LYN: variants seen among roughly 807,000 people sequenced by gnomAD.
LYN encodes the protein tyrosine-protein kinase Lyn.
A neutral mutation model predicts 65.0 loss-of-function variants in LYN; 12 were observed. The ratio of observed to expected loss-of-function variants is 0.18; its 90% CI spans 0.12 to 0.30. LYN has a LOEUF of 0.30. Among genes scored for constraint, LYN ranks in the 10% least tolerant of loss-of-function variants. The probability of loss-of-function intolerance (pLI) is 1.00; values close to 1 mark genes in which losing one functional copy is unlikely to be tolerated. For missense variants in LYN, 380 were observed against 623.2 expected, an observed-to-expected ratio of 0.61 and a Z score of 4.16; for synonymous variants, 222 against 221.2, an observed-to-expected ratio of 1.00 and a Z score of -0.03.
intron 10 of LYN, among the ~76,000 whole-genome samples, chr8:55,973,603 G>C (rs892380248): frequency 3.3e-5 from 5 of 152,230 alleles, no homozygotes; most frequent in Non-Finnish European, 7.3e-5. Context: ...TGGAATCATA[G>C]ACATGTCAAA....
chr8:55,968,689 C>A (rs1807527100), intron 9 of LYN, among the ~76,000 whole-genome samples: 1 of 152,192 alleles, frequency 6.6e-6, no homozygotes, highest in African/African-American at 2.4e-5. Context: ...GATGAGATAG[C>A]ATAACGTTTA....
chr8:55,910,862 G>A (rs1424883980), intron 1 of LYN, among the ~76,000 whole-genome samples: 1 of 147,416 alleles, frequency 6.8e-6, no homozygotes, highest in Non-Finnish European at 1.5e-5. Context: ...TGTAGTTTTC[G>A]TATCAACACC....
chr8:55,969,949 G>A (rs1807567188), intron 10 of LYN, among the ~76,000 whole-genome samples, 156 bp downstream of exon 10: 1 of 152,204 alleles, frequency 6.6e-6, no homozygotes, highest in Admixed American at 6.5e-5. Flanking sequence ...ACAATTCTTG[G>A]AGATAGTAAT....
intron 8 of LYN, among the ~76,000 whole-genome samples, chr8:55,956,896 G>A (rs2668015): frequency 0.33 from 49,598 of 152,026 alleles, 8,497 homozygotes; most frequent in African/African-American, 0.44. Context: ...ACAGGAGGAA[G>A]GGAGAAAAGA....
intron 10 of LYN, among the ~76,000 whole-genome samples, chr8:55,990,396 G>A (rs1808215797): frequency 1.3e-5 from 2 of 152,112 alleles, no homozygotes; most frequent in African/African-American, 4.8e-5. Flanking sequence ...CAGGTAGCAG[G>A]CCTCAGAGAG....
At chr8:55,913,720 G>A (rs1726754545) in intron 1 of LYN, among the ~76,000 whole-genome samples, 1 of 152,228 alleles carries the variant, frequency 6.6e-6, no homozygotes, top group Non-Finnish European at 1.5e-5. Flanking sequence ...CGTGGAAGAA[G>A]GGATGTGTAG....
At chr8:55,940,160 C>T (rs1806566785) in intron 1 of LYN, 1 of 152,214 alleles carries the variant, frequency 6.6e-6, no homozygotes, top group Non-Finnish European at 1.5e-5. Context: ...AGTCACACCA[C>T]CTCTCCCCCT....
chr8:56,004,169 T>C (rs534704207), intron 12 of LYN, among the ~76,000 whole-genome samples: 16 of 152,006 alleles, frequency 1.1e-4, no homozygotes, highest in Middle Eastern at 3.4e-3. Flanking sequence ...CGACCTCAGG[T>C]GATCTGCCTG....
At chr8:55,936,055 G>A (rs1806425974) in intron 1 of LYN, among the ~76,000 whole-genome samples, 1 of 152,134 alleles carries the variant, frequency 6.6e-6, no homozygotes, top group South Asian at 2.1e-4. Context: ...GTATCTAAAG[G>A]TTTCTGTGTT....
chr8:55,951,835 T>C (rs1806959274), intron 6 of LYN, 131 bp from the exon 7 acceptor site: 1 of 674,016 alleles, frequency 1.5e-6, no homozygotes, highest in Non-Finnish European at 2.4e-6. Context: ...TTTAAAATTA[T>C]GCATTTTATA....
chr8:55,977,044 G>A (rs1249939146), intron 10 of LYN, among the ~76,000 whole-genome samples: 1 of 152,090 alleles, frequency 6.6e-6, no homozygotes, highest in Non-Finnish European at 1.5e-5. Flanking sequence ...AGTTAGCCGG[G>A]CATGGTGGTG....
chr8:55,912,547 G>A (rs998568887), intron 1 of LYN, among the ~76,000 whole-genome samples: 6 of 152,010 alleles, frequency 3.9e-5, no homozygotes, highest in African/African-American at 9.7e-5. Context: ...CCAACGTGGC[G>A]AAACCCCGTA....
chr8:55,983,386 TC>T (rs1007841501), intron 10 of LYN, among the ~76,000 whole-genome samples: 1 of 152,218 alleles, frequency 6.6e-6, no homozygotes, highest in Non-Finnish European at 1.5e-5. Context: ...ATTAGCGTTT[TC>T]CCTCACTTCT....
chr8:55,998,123 T>C (rs1214315943), intron 10 of LYN, among the ~76,000 whole-genome samples: 1 of 152,112 alleles, frequency 6.6e-6, no homozygotes, highest in Admixed American at 6.5e-5. Flanking sequence ...TTCCTTTTTT[T>C]TTTTTTAAGA....
chr8:55,954,049 G>A, intron 8 of LYN, 65 bp downstream of exon 8: 2 of 1,547,080 alleles, frequency 1.3e-6, no homozygotes, highest in Non-Finnish European at 1.8e-6. Flanking sequence ...AAAGGCTCAA[G>A]CCAATTTCGA....
chr8:55,892,223 C>T (rs950024501), intron 1 of LYN, among the ~76,000 whole-genome samples: 1 of 152,172 alleles, frequency 6.6e-6, no homozygotes, highest in African/African-American at 2.4e-5. Flanking sequence ...GAGTTCAAGA[C>T]CAGCCTGGTC....
chr8:55,976,950 C>T (rs964545227), intron 10 of LYN, among the ~76,000 whole-genome samples: 1 of 151,900 alleles, frequency 6.6e-6, no homozygotes, highest in African/African-American at 2.4e-5. Context: ...TTTGGGAGGC[C>T]GAGGTGGGTG....
intron 1 of LYN, among the ~76,000 whole-genome samples, chr8:55,912,638 A>G (rs1805668970): frequency 6.6e-6 from 1 of 151,218 alleles, no homozygotes; most frequent in East Asian, 1.9e-4. Context: ...GAGGCAGGAG[A>G]CTCTCTTGAA....
intron 10 of LYN, among the ~76,000 whole-genome samples, chr8:55,974,241 A>G (rs1015285664): frequency 6.6e-6 from 1 of 152,048 alleles, no homozygotes; most frequent in African/African-American, 2.4e-5. Context: ...TGTTATGGTC[A>G]TTTTGCACTC....
Sources: gnomAD v4.1 joint callset for allele counts (sites outside exome capture counted in the v4.1 genomes callset) on GRCh38, gnomAD v4.1.1 for gene constraint, MANE v1.5 for transcripts, NCBI Gene and HGNC (gene_info 2026-07-23, HGNC 2026-07-21) for gene names.